Variants in GRIN3B observed in about 807,000 individuals in gnomAD.
GRIN3B encodes the protein glutamate ionotropic receptor NMDA type subunit 3B.
A neutral mutation model predicts 66.0 loss-of-function variants in GRIN3B; 77 were observed. That is an observed-to-expected ratio of 1.17 (90% CI 0.97 to 1.41). GRIN3B has a LOEUF of 1.41. GRIN3B is among the 40% of genes most tolerant of loss of function. The pLI, the probability that GRIN3B is intolerant of heterozygous loss-of-function variation, is 0.00. For synonymous variants in GRIN3B, 823 were observed against 749.7 expected (o/e 1.10, Z -1.60); for missense variants, 1,787 against 1,564.5 (o/e 1.14, Z -2.40).
Position 1,005,232 on chromosome 19 carries a change from G to C in GRIN3B, c.1731G>C (p.Thr577=), listed in dbSNP as rs145327479. The stretch of plus-strand genomic sequence containing the variant: ...TTATGTGGCCCCTGCACTGGTCCAC[G>C]TGGCTGGGCGTCTTTGCGGCCCTGC... ...GAFMWPLHWS[T]WLGVFAALHL... Residue 577 remains threonine, a synonymous_variant, in exon 3 of 9, where the codon ACG becomes ACC. Coordinates refer to ENST00000234389, the MANE Select transcript of GRIN3B (RefSeq NM_138690.3). The surrounding 1 kb of genome is among the most constrained non-coding windows in gnomAD (Gnocchi z 5.2). 2 of 1,613,230 alleles carry C rather than the reference G, an allele frequency of 1.2e-6. No individual in the cohort carries two copies. The highest frequency in any genetic ancestry group is 2.7e-5 in the African/African-American group (2 of 74,872).
rs1304810127 is a variant in GRIN3B, at chr19:1,000,770, C to T, written c.333C>T (p.Pro111=). The change falls in exon 1 of 9, where the codon CCC becomes CCT. Residue 111 remains proline (P), a synonymous_variant. Transcript: ENST00000234389. ...AALLAFPEAR[P]ELLQLHFLAA... is the part of the protein sequence containing the mutation. ...TGCTCGCCTTTCCCGAGGCTCGGCC[C>T]GAGCTGCTGCAGCTGCACTTCCTGG... 6.2e-6 allele frequency: 9 copies of T among 1,449,316 alleles called. No individual in the cohort carries two copies. The highest frequency in any genetic ancestry group is 7.2e-6 in the Non-Finnish European group (8 of 1,107,132). The allele number at this position is 1,449,316 out of a possible 1,614,324, so 89.8% of individuals were successfully genotyped here.
At chr19:1,003,949 C>T (rs963595132) in intron 2 of GRIN3B, among the ~76,000 whole-genome samples, 3 of 152,222 alleles carry the variant, frequency 2.0e-5, no homozygotes, top group South Asian at 4.1e-4. Context: ...ATTAGCTGGG[C>T]GTGGTGACAC....
In GRIN3B at chr19:1,005,136, C is replaced by A. The variant is rs899997835; in HGVS notation, c.1635C>A (p.Thr545=). The A allele has an allele frequency of 6.2e-7, 1 of 1,613,340 alleles. No individual in the cohort carries two copies. Among genetic ancestry groups the A allele is most frequent in the East Asian group, 2.2e-5 (1 of 44,878 alleles). ...CCCGCTCACAGGTGGTGGACTTCAC[C>A]AGCCCCTTCTTCTCCACCAGCCTGG... ...NSARSQVVDF[T]SPFFSTSLGI... Residue 545 remains threonine, a synonymous_variant, in exon 3 of 9, where the codon ACC becomes ACA. Coordinates refer to ENST00000234389, the MANE Select transcript of GRIN3B (RefSeq NM_138690.3). The surrounding 1 kb of genome is among the most constrained non-coding windows in gnomAD (Gnocchi z 5.2).
rs1262879418 is a variant in GRIN3B, at chr19:1,008,146, G to C, written c.2321G>C (p.Gly774Ala). Residue 774 changes from glycine (G) to alanine (A), a missense_variant, in exon 6 of 9, where the codon GGG becomes GCG. Physicochemically the swap from Gly to Ala is moderately conservative, Grantham distance 60. Coordinates refer to ENST00000234389, the MANE Select transcript of GRIN3B (RefSeq NM_138690.3). ...CCTGGCCCCGCGCCCCCAGGCTATG[G>C]GATCGGACTGCCCCAGAACTCGCCG... The part of the protein sequence containing the change: ...VGKPFAIEGY[G>A]IGLPQNSPLT... 1 of 1,594,232 alleles carries C rather than the reference G, an allele frequency of 6.3e-7. No homozygotes were observed. Among genetic ancestry groups the C allele is most frequent in the Admixed American group, 1.8e-5 (1 of 56,398 alleles).
chr19:1,001,985 C>T (rs1171593140), intron 1 of GRIN3B: 2 of 152,428 alleles, frequency 1.3e-5, no homozygotes, highest in South Asian at 2.1e-4. Context: ...CTGGGAAGCG[C>T]CCTGCCAACC....
Position 1,008,212 on chromosome 19 carries a change from C to T in GRIN3B, c.2387C>T (p.Ser796Phe), listed in dbSNP as rs755812271. ...NLSEFISRYK[S>F]SGFIDLLHDK... ...TCCGAGTTCATCAGCCGCTACAAGTCCTCCGGCTTCATCGACCTGCTCCAC... is the reference window on the plus strand; with the variant it reads ...TCCGAGTTCATCAGCCGCTACAAGTTCTCCGGCTTCATCGACCTGCTCCAC... The change falls in exon 6 of 9, where the codon TCC becomes TTC. Residue 796 changes from serine to phenylalanine, a missense_variant. Transcript: ENST00000234389. The T allele has an allele frequency of 4.3e-6, 7 of 1,612,430 alleles. No individual in the cohort carries two copies. The African/African-American group carries it at 5.3e-5, about 12-fold the overall frequency.
At chr19:1,008,378 C>T (rs1222688333) in intron 6 of GRIN3B, 87 bp downstream of exon 6, 7 of 1,275,508 alleles carry the variant, frequency 5.5e-6, no homozygotes, top group African/African-American at 1.5e-5. Context: ...CCCCAGTGCT[C>T]ATTCCCCAGA....
Position 1,005,307 on chromosome 19 carries a change from C to T in GRIN3B, c.1806C>T (p.Gly602=), listed in dbSNP as rs371064253. The T allele has an allele frequency of 9.9e-6, 16 of 1,613,508 alleles. No individual in the cohort carries two copies. Among genetic ancestry groups the T allele is most frequent in the African/African-American group, 2.7e-5 (2 of 74,938 alleles). Residue 602 remains glycine (G), a synonymous_variant, in exon 3 of 9, where the codon GGC becomes GGT. Coordinates refer to ENST00000234389, the MANE Select transcript of GRIN3B (RefSeq NM_138690.3). This position sits in a 1 kb window ranked among gnomAD's most constrained non-coding sequence, Gnocchi z 5.2. Reference sequence around the variant, plus strand: ...TGTACGAGTGGCGTAGCCCCTACGGCCTCACGCCACGTGGCCGCAACCGCA... The same window carrying T: ...TGTACGAGTGGCGTAGCCCCTACGGTCTCACGCCACGTGGCCGCAACCGCA... ...LTVYEWRSPY[G]LTPRGRNRST...
Position 1,004,688 on chromosome 19 carries a change from TG to T in GRIN3B, c.1189del (p.Glu397AsnfsTer24). The T allele has an allele frequency of 6.2e-7, 1 of 1,601,390 alleles. No individual in the cohort carries two copies. The highest frequency in any genetic ancestry group is 8.5e-7 in the Non-Finnish European group (1 of 1,174,086). On this transcript the variant is annotated frameshift_variant, in exon 3 of 9. Coordinates refer to ENST00000234389, the MANE Select transcript of GRIN3B (RefSeq NM_138690.3). LOFTEE classifies it high-confidence loss of function. Reference sequence around the variant, plus strand: ...AGCTGGCGGGACGGCCAGCTGGACTTGGAACCGGGAGGTGCCTCTGCACGGC... The same window carrying T: ...AGCTGGCGGGACGGCCAGCTGGACTTGAACCGGGAGGTGCCTCTGCACGGC... ...VGSWRDGQLD[L>X]EPGGASARPP...
In GRIN3B at chr19:1,007,891, A is replaced by T; in HGVS notation, c.2234A>T (p.Asp745Val). The T allele has an allele frequency of 1.9e-6, 3 of 1,611,358 alleles. No homozygotes were observed. Among genetic ancestry groups the T allele is most frequent in the Non-Finnish European group, 2.5e-6 (3 of 1,179,248 alleles). The change falls in exon 5 of 9, where the codon GAC becomes GTC. Residue 745 changes from aspartate to valine, a missense_variant. By Grantham distance (152) the Asp-to-Val change is radical (BLOSUM62 -3). Transcript: ENST00000234389. This position sits in a 1 kb window ranked among gnomAD's most constrained non-coding sequence, Gnocchi z 4.4. ...DPPKLNAFIM[D>V]KSLLDYEVSI... ...CCCAAGCTCAACGCCTTCATCATGG[A>T]CAAGTCGCTCCTGGACTACGAGGTC...
chr19:1,008,479 C>A (rs2145543099), intron 6 of GRIN3B, 139 bp from the exon 7 acceptor site: 1 of 1,089,820 alleles, frequency 9.2e-7, no homozygotes, highest in Non-Finnish European at 1.3e-6. Context: ...CTCCCCCCAG[C>A]CATGGAGTCC....
At chr19:1,002,058 G>C (rs1329227636) in intron 1 of GRIN3B, 1 of 152,238 alleles carries the variant, frequency 6.6e-6, no homozygotes. Context: ...GCCGGGTGCG[G>C]TGGCTCACGC....
rs1218913213 is a variant in GRIN3B at position 1,000,796 on chromosome 19, C to A, written c.359C>A (p.Ala120Glu). The A allele has an allele frequency of 2.1e-6, 3 of 1,444,066 alleles. No individual in the cohort carries two copies. Among genetic ancestry groups the A allele is most frequent in the Middle Eastern group, 2.5e-4 (1 of 4,072 alleles). The allele number at this position is 1,444,066 out of a possible 1,614,324, so 89.5% of individuals were successfully genotyped here. ...RPELLQLHFL[A>E]AATETPVLSL... ...GAGCTGCTGCAGCTGCACTTCCTGG[C>A]GGCGGCCACCGAGACCCCCGTGCTC... is the stretch of plus-strand genomic sequence containing the variant. The change falls in exon 1 of 9, where the codon GCG (alanine) becomes GAG (glutamate). Residue 120 changes from alanine (A) to glutamate (E), a missense_variant. Coordinates refer to ENST00000234389, the MANE Select transcript of GRIN3B (RefSeq NM_138690.3).
At position 1,009,419 on chromosome 19, in the gene GRIN3B, G is replaced by A. The variant is rs2038818136; in HGVS notation, c.2949G>A (p.Leu983=). 1 of 1,443,664 alleles carries A rather than the reference G, an allele frequency of 6.9e-7. No individual in the cohort carries two copies. The highest frequency in any genetic ancestry group is 9.1e-7 in the Non-Finnish European group (1 of 1,104,700). The allele number at this position is 1,443,664 out of a possible 1,614,324, so 89.4% of individuals were successfully genotyped here. ...CGGGGGCCCCCCAGCCCGGGGAGCT[G>A]CAGGAGCTGGAGCGCCGCATCGAAG... ...RPTGAPQPGE[L]QELERRIEVA... is the part of the protein sequence containing the mutation. The change falls in exon 9 of 9, where the codon CTG becomes CTA. Residue 983 remains leucine, a synonymous_variant. Coordinates refer to ENST00000234389, the MANE Select transcript of GRIN3B (RefSeq NM_138690.3).
At position 1,005,052 on chromosome 19, in the gene GRIN3B, C is replaced by G. The variant is rs767260421; in HGVS notation, c.1551C>G (p.Val517=). 6.2e-7 allele frequency: 1 copy of G among 1,611,458 alleles called. No homozygotes were observed. Among genetic ancestry groups the G allele is most frequent in the Non-Finnish European group, 8.5e-7 (1 of 1,179,084 alleles). The change falls in exon 3 of 9, where the codon GTC becomes GTG. Residue 517 remains valine (V), a synonymous_variant. Coordinates refer to ENST00000234389, the MANE Select transcript of GRIN3B (RefSeq NM_138690.3). This position sits in a 1 kb window ranked among gnomAD's most constrained non-coding sequence, Gnocchi z 5.2. ...ALRDGRWTGL[V]GDLLAGRAHM... ...GGGACGGCCGCTGGACCGGCCTGGT[C>G]GGGGACCTGCTGGCCGGCCGGGCCC...
At position 1,005,821 on chromosome 19, in the gene GRIN3B, G is replaced by A. The variant is rs112875636; in HGVS notation, c.2052+268G>A. Among the ~76,000 whole-genome samples the A allele has an allele frequency of 0.032, 4,919 of 152,112 alleles. 282 individuals carry two copies. The highest frequency in any genetic ancestry group is 0.11 in the African/African-American group (4,655 of 41,492). ...CTCGAACTGGAGCCTGGCCAACATG[G>A]TGAAACCCCATCTTTACTAAAAAAT... On this transcript the variant is annotated intron_variant, in intron 3 of 8. Transcript: ENST00000234389. The surrounding 1 kb of genome is among the most constrained non-coding windows in gnomAD (Gnocchi z 5.2).
chr19:1,008,748 G>A lies in GRIN3B; in HGVS notation c.2597G>A (p.Gly866Glu), dbSNP rs760063089. Residue 866 changes from glycine (G) to glutamate (E), a missense_variant, in exon 7 of 9, where the codon GGG becomes GAG. By Grantham distance (98) the Gly-to-Glu change is moderately conservative. Transcript: ENST00000234389. Reference sequence around the variant, plus strand: ...CTGGCGCTGCCGCGCATCCGCAAGGGGAGCAGGCTGCAGTACTGGCTGCAC... The same window carrying A: ...CTGGCGCTGCCGCGCATCCGCAAGGAGAGCAGGCTGCAGTACTGGCTGCAC... Reference protein sequence around the residue: ...FRLALPRIRKGSRLQYWLHTS... With the variant: ...FRLALPRIRKESRLQYWLHTS... 1.9e-6 allele frequency: 3 copies of A among 1,606,780 alleles called. No homozygotes were observed. The highest frequency in any genetic ancestry group is 1.7e-6 in the Non-Finnish European group (2 of 1,177,288).
Position 1,009,474 on chromosome 19 carries a change from G to A in GRIN3B, c.3004G>A (p.Val1002Met). The change falls in exon 9 of 9, where the codon GTG becomes ATG. Residue 1002 changes from valine to methionine, a missense_variant. Coordinates refer to ENST00000234389, the MANE Select transcript of GRIN3B (RefSeq NM_138690.3). The part of the protein sequence containing the change: ...VARERLRQAL[V>M]RRGQLLAQLG... The stretch of plus-strand genomic sequence containing the variant: ...GCGTGAGCGGCTCCGCCAGGCCCTG[G>A]TGCGGCGCGGCCAGCTCCTGGCACA... 1 of 1,486,594 alleles carries A rather than the reference G, an allele frequency of 6.7e-7. No homozygotes were observed. The highest frequency in any genetic ancestry group is 2.2e-5 in the Admixed American group (1 of 44,684). 92.1% of individuals were successfully genotyped at this position (1,486,594 alleles called of 1,614,324 possible).
In GRIN3B at chr19:1,007,741, G is replaced by T. The variant is rs981797690; in HGVS notation, c.2166G>T (p.Ala722=). ...DMHAHMRRHS[A]PTTPRGVAML... Reference sequence around the variant, plus strand: ...ACGCACACATGCGGCGCCACAGCGCGCCCACCACGCCCCGCGGCGTCGCCA... The same window carrying T: ...ACGCACACATGCGGCGCCACAGCGCTCCCACCACGCCCCGCGGCGTCGCCA... The change falls in exon 4 of 9, where the codon GCG becomes GCT. Residue 722 remains alanine (A), a synonymous_variant. Coordinates refer to ENST00000234389, the MANE Select transcript of GRIN3B (RefSeq NM_138690.3). This position sits in a 1 kb window ranked among gnomAD's most constrained non-coding sequence, Gnocchi z 4.4. 17 of 1,520,504 alleles carry T rather than the reference G, an allele frequency of 1.1e-5. No homozygotes were observed. Among genetic ancestry groups the T allele is most frequent in the South Asian group, 2.5e-5 (2 of 80,550 alleles). 94.2% of individuals were successfully genotyped at this position (1,520,504 alleles called of 1,614,324 possible). A position where few individuals can be genotyped will look rare whatever the true frequency, so the allele number is the denominator to read the frequency against.
Sources: allele counts gnomAD v4.1 joint callset (sites outside exome capture counted in the v4.1 genomes callset), GRCh38; gene constraint gnomAD v4.1.1; non-coding constraint Gnocchi (gnomAD v3.1); transcripts MANE v1.5; gene names NCBI Gene and HGNC (gene_info 2026-07-23, HGNC 2026-07-21).